PCDHGB7: variants seen among roughly 807,000 people sequenced by gnomAD.
PCDHGB7 encodes the protein protocadherin gamma subfamily B, 7, also known as protocadherin gamma-B7.
A neutral mutation model predicts 61.4 loss-of-function variants in PCDHGB7; 37 were observed. That is an observed-to-expected ratio of 0.60 (90% confidence interval 0.46 to 0.79). The LOEUF is 0.79. PCDHGB7 is among the 30% of genes least tolerant of loss of function. PCDHGB7 has a pLI of 0.00. For synonymous variants in PCDHGB7, 464 were observed against 503.5 expected, an observed-to-expected ratio of 0.92 and a Z score of 1.05; for missense variants, 1,166 against 1,202.5, an observed-to-expected ratio of 0.97 and a Z score of 0.45.
intron 1 of PCDHGB7, among the ~76,000 whole-genome samples, chr5:141,481,215 G>T (rs1238465869): frequency 6.6e-6 from 1 of 152,152 alleles, no homozygotes; most frequent in Non-Finnish European, 1.5e-5. Context: ...AACATGGTAA[G>T]GTCTCCCAGC....
intron 1 of PCDHGB7, among the ~76,000 whole-genome samples, chr5:141,434,703 G>C (rs1198306104): frequency 6.6e-6 from 1 of 151,730 alleles, no homozygotes; most frequent in Non-Finnish European, 1.5e-5. Context: ...TAAATATGTG[G>C]GTAAATCTCT....
At position 141,418,840 on chromosome 5, in the gene PCDHGB7, C is replaced by A; in HGVS notation, c.981C>A (p.Leu327=). ...INIEAKDRGS[L]STRCKVIVEV... ...TAGAAGCAAAAGACCGAGGATCTCT[C>A]TCAACACGGTGTAAAGTAATTGTAG... The change falls in exon 1 of 4, where the codon CTC becomes CTA. Residue 327 remains leucine (L), a synonymous_variant. Coordinates refer to ENST00000398594, the MANE Select transcript of PCDHGB7 (RefSeq NM_018927.4). The A allele has an allele frequency of 6.2e-7, 1 of 1,614,006 alleles. No individual in the cohort carries two copies. Among genetic ancestry groups the A allele is most frequent in the Non-Finnish European group, 8.5e-7 (1 of 1,179,870 alleles).
At chr5:141,463,103 A>G (rs1235750988) in intron 1 of PCDHGB7, among the ~76,000 whole-genome samples, 1 of 152,206 alleles carries the variant, frequency 6.6e-6, no homozygotes, top group African/African-American at 2.4e-5. Context: ...GTGACCATCA[A>G]GAATTCAGCT....
chr5:141,440,535 G>C (rs1305958587), intron 1 of PCDHGB7: 1 of 152,154 alleles, frequency 6.6e-6, no homozygotes, highest in African/African-American at 2.4e-5. Flanking sequence ...CATGCACCAC[G>C]GTTCAGCAGG....
chr5:141,449,078 C>T (rs1342751417), intron 1 of PCDHGB7, among the ~76,000 whole-genome samples: 1 of 152,052 alleles, frequency 6.6e-6, no homozygotes, highest in Non-Finnish European at 1.5e-5. Flanking sequence ...AGCCCTGTAC[C>T]TACATCAGTT....
intron 1 of PCDHGB7, chr5:141,478,359 G>A: frequency 6.2e-7 from 1 of 1,613,734 alleles, no homozygotes; most frequent in Non-Finnish European, 8.5e-7. Flanking sequence ...GACGCCGTGC[G>A]GGGAGGCCTG....
chr5:141,497,396 C>T (rs2099776233), intron 2 of PCDHGB7, among the ~76,000 whole-genome samples: 1 of 152,116 alleles, frequency 6.6e-6, no homozygotes, highest in Middle Eastern at 3.2e-3. Flanking sequence ...CTTACCCCTG[C>T]CTCAACTCCC....
chr5:141,442,716 G>A (rs1367250926), intron 1 of PCDHGB7, among the ~76,000 whole-genome samples: 1 of 152,206 alleles, frequency 6.6e-6, no homozygotes, highest in East Asian at 1.9e-4. Context: ...ACATGCCAGA[G>A]CATTTGGGGC....
At chr5:141,480,059 T>G (rs1169389701) in intron 1 of PCDHGB7, among the ~76,000 whole-genome samples, 1 of 152,096 alleles carries the variant, frequency 6.6e-6, no homozygotes, top group African/African-American at 2.4e-5. Context: ...GAATAATAAG[T>G]GTTTTATAAG....
At chr5:141,507,283 G>T (rs917383969) in intron 3 of PCDHGB7, 2 of 150,498 alleles carry the variant, frequency 1.3e-5, no homozygotes, top group Non-Finnish European at 2.9e-5. Context: ...GCATAAGTCA[G>T]TCTCAAATGT....
intron 2 of PCDHGB7, among the ~76,000 whole-genome samples, chr5:141,498,971 G>GGGAAGGAAGGAAGGAAGGAAGGAAGGAA (rs201769957): frequency 9.0e-6 from 1 of 110,972 alleles, no homozygotes; most frequent in Non-Finnish European, 1.8e-5. Flanking sequence ...GAGGGAGGGA[G>GGGAAGGAAGGAAGGAAGGAAGGAAGGAA]GGAAGGAAGG....
At chr5:141,452,421 C>A (rs1211472567) in intron 1 of PCDHGB7, among the ~76,000 whole-genome samples, 2 of 152,180 alleles carry the variant, frequency 1.3e-5, no homozygotes, top group Non-Finnish European at 2.9e-5. Context: ...ATGCTCACTG[C>A]TAATGGGCTG....
In PCDHGB7 at chr5:141,438,615, TATATATATATATATATATATACACAC is replaced by T. The variant is rs1337184558; in HGVS notation, c.2415+18343_2415+18368del. ...ACATATATATATATATATATATATATATATATATATATATATATATACACACACACACACACATATATGTATATATA... is the reference window on the plus strand; with the variant it reads ...ACATATATATATATATATATATATATACACACACACATATATGTATATATA... On this transcript the variant is annotated intron_variant, in intron 1 of 3. Coordinates refer to ENST00000398594, the MANE Select transcript of PCDHGB7 (RefSeq NM_018927.4). 3.6e-3 allele frequency among the ~76,000 whole-genome samples: 130 copies of T among 35,912 alleles called. 2 individuals are homozygous for T. Among genetic ancestry groups the T allele is most frequent in the African/African-American group, 0.022 (107 of 4,918 alleles). The allele number at this position is 35,912 out of a possible 152,430, so 23.6% of individuals were successfully genotyped here.
intron 1 of PCDHGB7, among the ~76,000 whole-genome samples, chr5:141,429,377 GT>G (rs566693637): frequency 1.3e-4 from 20 of 149,526 alleles, no homozygotes; most frequent in South Asian, 8.5e-4. Flanking sequence ...GAGAAAATGT[GT>G]TTTTTTTTTA....
chr5:141,497,649 C>T (rs973501351), intron 2 of PCDHGB7, among the ~76,000 whole-genome samples: 1 of 151,784 alleles, frequency 6.6e-6, no homozygotes, highest in Non-Finnish European at 1.5e-5. Context: ...AAGCGATTCT[C>T]CTGCCTCAGC....
chr5:141,460,936 A>G (rs189741735), intron 1 of PCDHGB7, among the ~76,000 whole-genome samples: 31 of 149,318 alleles, frequency 2.1e-4, no homozygotes, highest in Non-Finnish European at 3.8e-4. Flanking sequence ...GTGTGTGTGT[A>G]TATATATGTA....
intron 1 of PCDHGB7, among the ~76,000 whole-genome samples, chr5:141,447,978 C>T (rs759162070): frequency 1.1e-4 from 17 of 151,694 alleles, no homozygotes; most frequent in East Asian, 3.9e-4. Flanking sequence ...CCCAGCTACT[C>T]GGGAGGCTGA....
At position 141,418,324 on chromosome 5, in the gene PCDHGB7, G is replaced by A; in HGVS notation, c.465G>A (p.Glu155=). Residue 155 remains glutamate, a synonymous_variant, in exon 1 of 4, where the codon GAG becomes GAA. Transcript: ENST00000398594. ...SVSLGMGTIL[E]SAEDPDISMN... Reference sequence around the variant, plus strand: ...GCCTGGGGATGGGAACAATTCTTGAGTCTGCAGAAGATCCTGATATTAGTA... The same window carrying A: ...GCCTGGGGATGGGAACAATTCTTGAATCTGCAGAAGATCCTGATATTAGTA... The A allele has an allele frequency of 1.2e-6, 2 of 1,614,006 alleles. No individual in the cohort carries two copies. The highest frequency in any genetic ancestry group is 1.7e-6 in the Non-Finnish European group (2 of 1,179,892).
At chr5:141,505,106 G>A (rs934779049) in intron 2 of PCDHGB7, among the ~76,000 whole-genome samples, 1 of 152,188 alleles carries the variant, frequency 6.6e-6, no homozygotes, top group Non-Finnish European at 1.5e-5. Context: ...ATGTTGCAAT[G>A]AGCCAAGATC....
Sources: gnomAD v4.1 joint callset for allele counts (sites outside exome capture counted in the v4.1 genomes callset) on GRCh38, gnomAD v4.1.1 for gene constraint, MANE v1.5 for transcripts, NCBI Gene and HGNC (gene_info 2026-07-23, HGNC 2026-07-21) for gene names.